The following CCDC191 variants were observed in gnomAD, a reference collection of about 807,000 sequenced individuals.
CCDC191 encodes coiled-coil domain containing 191.
Under a neutral mutation model 114.0 loss-of-function variants are expected in CCDC191, and 99 were observed. That is an observed-to-expected ratio of 0.87 (90% CI 0.74 to 1.03). The LOEUF (loss-of-function observed/expected upper bound fraction) is 1.03. Among genes scored for constraint, CCDC191 ranks in the 50% least tolerant of loss-of-function variants. CCDC191 has a pLI of 0.00. For missense variants in CCDC191, 973 were observed against 1,087.0 expected (o/e 0.90, Z 1.47); for synonymous variants, 351 against 376.0 (o/e 0.93, Z 0.77).
intron 1 of CCDC191, among the ~76,000 whole-genome samples, chr3:114,056,015 CA>C (rs200734292): frequency 2.1e-3 from 247 of 116,354 alleles, no homozygotes; most frequent in East Asian, 0.012. Context: ...CCAAGATTTG[CA>C]AAAAAAAAAA....
chr3:113,965,123 G>A lies in CCDC191; in HGVS notation c.*32C>T, dbSNP rs371602916. 2.8e-6 allele frequency: 4 copies of A among 1,436,268 alleles called. No individual in the cohort carries two copies. The highest frequency in any genetic ancestry group is 3.8e-6 in the Non-Finnish European group (4 of 1,052,454). 89.0% of individuals were successfully genotyped at this position (1,436,268 alleles called of 1,614,324 possible). On this transcript the variant is annotated 3_prime_UTR_variant, in exon 17 of 17. Coordinates refer to ENST00000295878, the MANE Select transcript of CCDC191 (RefSeq NM_020817.2). ...GATAACACACATACAGACTAGTCGA[G>A]CTTCCTGTCCTAAATATTACACTAA...
At chr3:113,968,264 G>A (rs777168361) in intron 16 of CCDC191, among the ~76,000 whole-genome samples, 2 of 152,108 alleles carry the variant, frequency 1.3e-5, no homozygotes, top group Non-Finnish European at 2.9e-5. Context: ...CTGTGTGAGG[G>A]TTTCCCTTTC....
chr3:114,040,951 G>A (rs1009735335), intron 4 of CCDC191, among the ~76,000 whole-genome samples: 5 of 151,428 alleles, frequency 3.3e-5, no homozygotes, highest in Non-Finnish European at 7.4e-5. Context: ...TGTCTATTGA[G>A]ATAATATGTT....
intron 2 of CCDC191, 118 bp downstream of exon 2, chr3:114,053,478 TC>T (rs2076724507): frequency 2.0e-6 from 1 of 508,244 alleles, no homozygotes; most frequent in Admixed American, 4.0e-5. Flanking sequence ...ACTTACATAG[TC>T]ACACGGGAAT....
At chr3:113,980,933 C>T (rs2075128406) in intron 13 of CCDC191, 140 bp from the exon 14 acceptor site, 2 of 742,044 alleles carry the variant, frequency 2.7e-6, no homozygotes, top group East Asian at 2.9e-5. Flanking sequence ...GATAATAGGG[C>T]TTTTTCTTTA....
intron 7 of CCDC191, among the ~76,000 whole-genome samples, chr3:114,030,789 C>T (rs1450167514): frequency 1.3e-5 from 2 of 152,148 alleles, no homozygotes; most frequent in Non-Finnish European, 2.9e-5. Context: ...TACCAAGCTC[C>T]CTCAGTATCT....
chr3:114,023,152 T>C (rs1222875691), intron 7 of CCDC191, among the ~76,000 whole-genome samples: 2 of 152,116 alleles, frequency 1.3e-5, no homozygotes, highest in Non-Finnish European at 2.9e-5. Context: ...TTACAAGGGA[T>C]GCGAAGGACC....
rs777564368 is a variant in CCDC191 at position 114,036,665 on chromosome 3, G to A, written c.537C>T (p.Asn179=). ...GATCCTTCTGCTGCTTCTTGTCTTG[G>A]TTTTCCTTCCTTCCAAGATCTTCCA... ...AMMEDLGRKE[N]QDKKQQKDPR... The change falls in exon 5 of 17, where the codon AAC becomes AAT. Residue 179 remains asparagine (N), a synonymous_variant. Coordinates refer to ENST00000295878, the MANE Select transcript of CCDC191 (RefSeq NM_020817.2). 6 of 1,604,330 alleles carry A rather than the reference G, an allele frequency of 3.7e-6. No individual in the cohort carries two copies. The highest frequency in any genetic ancestry group is 1.7e-5 in the Admixed American group (1 of 59,302).
At chr3:114,001,113 T>G (rs2075847221) in intron 13 of CCDC191, among the ~76,000 whole-genome samples, 1 of 152,218 alleles carries the variant, frequency 6.6e-6, no homozygotes, top group Non-Finnish European at 1.5e-5. Flanking sequence ...TTATTATTTC[T>G]TTGTGTATTA....
At chr3:114,022,810 T>A (rs1469734428) in intron 7 of CCDC191, among the ~76,000 whole-genome samples, 1 of 152,050 alleles carries the variant, frequency 6.6e-6, no homozygotes, top group East Asian at 1.9e-4. Flanking sequence ...GAAAAAAAAT[T>A]AATAAAAAAT....
At chr3:114,024,688 C>T (rs1368358934) in intron 7 of CCDC191, among the ~76,000 whole-genome samples, 1 of 151,502 alleles carries the variant, frequency 6.6e-6, no homozygotes, top group Non-Finnish European at 1.5e-5. Flanking sequence ...CATCACACAC[C>T]AGGGGCTGTT....
chr3:113,987,854 C>G (rs1343496182), intron 13 of CCDC191, among the ~76,000 whole-genome samples: 4 of 151,704 alleles, frequency 2.6e-5, no homozygotes, highest in Admixed American at 2.6e-4. Flanking sequence ...CCAGCCTGGT[C>G]AAGATGGTGA....
At chr3:114,050,575 G>A (rs1032593621) in intron 2 of CCDC191, among the ~76,000 whole-genome samples, 2 of 152,198 alleles carry the variant, frequency 1.3e-5, no homozygotes, top group African/African-American at 4.8e-5. Flanking sequence ...ATCTGGATTG[G>A]CCTCTCAGAG....
chr3:114,039,732 AT>A (rs1382803651), intron 4 of CCDC191, among the ~76,000 whole-genome samples: 1 of 151,448 alleles, frequency 6.6e-6, no homozygotes, highest in East Asian at 1.9e-4. Flanking sequence ...AGAAAAAAAA[AT>A]TAAAATTTCA....
chr3:114,020,410 T>A (rs1464072674), intron 7 of CCDC191, among the ~76,000 whole-genome samples: 1 of 152,188 alleles, frequency 6.6e-6, no homozygotes, highest in Non-Finnish European at 1.5e-5. Context: ...TTCATTATAA[T>A]TTCTCATTAG....
intron 9 of CCDC191, among the ~76,000 whole-genome samples, chr3:114,009,969 G>A (rs1420630044): frequency 1.3e-5 from 2 of 151,976 alleles, no homozygotes; most frequent in East Asian, 3.9e-4. Flanking sequence ...TCCACTTGCG[G>A]AACTTAAAAA....
At chr3:114,003,469 G>A in intron 11 of CCDC191, 1 of 985,412 alleles carries the variant, frequency 1.0e-6, no homozygotes, top group Non-Finnish European at 1.2e-6. Flanking sequence ...TCTCTAAGAA[G>A]GCAGAAATAG....
At chr3:113,971,437 A>G (rs545674081) in intron 16 of CCDC191, among the ~76,000 whole-genome samples, 3 of 152,304 alleles carry the variant, frequency 2.0e-5, no homozygotes, top group African/African-American at 7.2e-5. Context: ...TGAAATAATT[A>G]TATGGCTTTT....
chr3:113,978,225 G>A lies in CCDC191; in HGVS notation c.2567C>T (p.Ser856Phe), dbSNP rs202109497. The A allele has an allele frequency of 8.3e-5, 134 of 1,614,018 alleles. No individual in the cohort carries two copies. In the East Asian group the frequency reaches 2.7e-3, roughly 32 times the overall value. Reference protein sequence around the residue: ...FNMVREVKIDSQGKHEIAAEH... With the variant: ...FNMVREVKIDFQGKHEIAAEH... ...CGCTGCAATCTCATGCTTGCCCTGAGAATCGATCTTCACCTCCCTGACCAT... is the reference window on the plus strand; with the variant it reads ...CGCTGCAATCTCATGCTTGCCCTGAAAATCGATCTTCACCTCCCTGACCAT... Residue 856 changes from serine to phenylalanine, a missense_variant, in exon 16 of 17, where the codon TCT becomes TTT. Coordinates refer to ENST00000295878, the MANE Select transcript of CCDC191 (RefSeq NM_020817.2).
Sources: allele counts gnomAD v4.1 joint callset (sites outside exome capture counted in the v4.1 genomes callset), GRCh38; gene constraint gnomAD v4.1.1; transcripts MANE v1.5; gene names NCBI Gene and HGNC (gene_info 2026-07-23, HGNC 2026-07-21).